Variants in RBM45 observed in about 807,000 individuals in gnomAD.
RBM45 encodes the protein RNA binding motif protein 45, also known as RNA-binding protein 45.
RBM45 carries 39 observed loss-of-function variants against 58.5 expected under a neutral mutation model. The observed-to-expected ratio is 0.67, with a 90% CI of 0.52 to 0.87. The LOEUF is 0.87. Ranked by LOEUF, RBM45 falls within the 40% of genes least tolerant of loss-of-function variation. The probability of loss-of-function intolerance (pLI) is 0.00; values close to 1 mark genes in which losing one functional copy is unlikely to be tolerated. For synonymous variants in RBM45, 193 were observed against 203.0 expected (o/e 0.95, Z 0.42); for missense variants, 481 against 581.6 (o/e 0.83, Z 1.78).
downstream of RBM45, among the ~76,000 whole-genome samples, chr2:178,132,913 G>A (rs1190225305): frequency 1.3e-5 from 2 of 152,136 alleles, no homozygotes; most frequent in Non-Finnish European, 2.9e-5. Context: ...TAACTTTGGT[G>A]TCCACAAGAA....
chr2:178,119,224 C>T (rs1342821473), intron 3 of RBM45, among the ~76,000 whole-genome samples: 1 of 151,868 alleles, frequency 6.6e-6, no homozygotes, highest in African/African-American at 2.4e-5. Context: ...TAAGAATTTG[C>T]CAAATGAAAA....
chr2:178,112,960 T>A, intron 1 of RBM45, 114 bp downstream of exon 1: 1 of 1,135,524 alleles, frequency 8.8e-7, no homozygotes, highest in Non-Finnish European at 1.2e-6. Context: ...TCCCGGCAGC[T>A]GACCAGACAG....
At chr2:178,131,532 T>C (rs1184196938), downstream of RBM45, among the ~76,000 whole-genome samples, 1 of 152,240 alleles carries the variant, frequency 6.6e-6, no homozygotes, top group Non-Finnish European at 1.5e-5. Context: ...TCAGATTAAA[T>C]GATCCCGGTT....
downstream of RBM45, among the ~76,000 whole-genome samples, chr2:178,132,799 G>A (rs552276358): frequency 2.2e-4 from 33 of 152,232 alleles, no homozygotes; most frequent in African/African-American, 7.0e-4. Context: ...TGTTGGTCAG[G>A]CTGGTCTCAA....
At chr2:178,130,920 A>G (rs997394510), downstream of RBM45, among the ~76,000 whole-genome samples, 8 of 152,190 alleles carry the variant, frequency 5.3e-5, no homozygotes, top group Admixed American at 3.9e-4. Context: ...TGGGCCAGGT[A>G]TCTTTCTGTG....
downstream of RBM45, among the ~76,000 whole-genome samples, chr2:178,131,109 T>C (rs1301838784): frequency 6.6e-6 from 1 of 152,224 alleles, no homozygotes; most frequent in Non-Finnish European, 1.5e-5. Context: ...TTTAATTTTT[T>C]AAAAGAACAA....
exon 4 of RBM45, chr2:178,138,519 T>C (rs1456289916): frequency 6.6e-6 from 1 of 152,132 alleles, no homozygotes; most frequent in Non-Finnish European, 1.5e-5. Context: ...AATGGAGCAA[T>C]GTCTGTAGTT....
chr2:178,115,870 A>G (rs1574407706), intron 1 of RBM45, among the ~76,000 whole-genome samples: 2 of 152,310 alleles, frequency 1.3e-5, no homozygotes, highest in Admixed American at 6.5e-5. Flanking sequence ...AAGTCATTGC[A>G]GGCCCAGCAC....
downstream of RBM45, among the ~76,000 whole-genome samples, chr2:178,130,440 G>A (rs575504867): frequency 5.3e-5 from 8 of 152,254 alleles, no homozygotes; most frequent in South Asian, 1.2e-3. Flanking sequence ...CGGAAGGATT[G>A]CTTGAGCCTA....
At chr2:178,113,680 T>C (rs1217573740) in intron 1 of RBM45, among the ~76,000 whole-genome samples, 1 of 152,184 alleles carries the variant, frequency 6.6e-6, no homozygotes, top group African/African-American at 2.4e-5. Flanking sequence ...ATGTCCTTGT[T>C]ATTGATCAGT....
chr2:178,116,239 T>G (rs751485041), intron 1 of RBM45, 23 bp from the exon 2 acceptor site: 1 of 1,548,302 alleles, frequency 6.5e-7, no homozygotes, highest in East Asian at 2.3e-5. Flanking sequence ...TATTTTATTT[T>G]GGGAGTTTTG....
At position 178,126,107 on chromosome 2, in the gene RBM45, G is replaced by C; in HGVS notation, c.1356G>C (p.Gly452=). The C allele has an allele frequency of 6.2e-7, 1 of 1,613,956 alleles. No homozygotes were observed. Among genetic ancestry groups the C allele is most frequent in the Non-Finnish European group, 8.5e-7 (1 of 1,179,884 alleles). The change falls in exon 9 of 10, where the codon GGG becomes GGC. Residue 452 remains glycine, a synonymous_variant. Coordinates refer to ENST00000286070, the MANE Select transcript of RBM45 (RefSeq NM_152945.4). ...CTCTACATGGAAAGATTCTGAATGG[G>C]GTGAGACTTAAAGTTATGCTGGCAG... ...IATLHGKILN[G]VRLKVMLADS...
intron 2 of RBM45, among the ~76,000 whole-genome samples, chr2:178,117,257 A>G (rs999927155): frequency 6.6e-6 from 1 of 152,210 alleles, no homozygotes; most frequent in Non-Finnish European, 1.5e-5. Context: ...TATTTTATAC[A>G]TCCTCCAGTA....
intron 9 of RBM45, among the ~76,000 whole-genome samples, chr2:178,128,706 T>C (rs545262515): frequency 2.0e-5 from 3 of 152,364 alleles, no homozygotes; most frequent in Non-Finnish European, 2.9e-5. Flanking sequence ...TGAAAATGGC[T>C]GTTTGGATAG....
exon 4 of RBM45, chr2:178,138,042 T>G (rs940469844): frequency 2.6e-5 from 4 of 152,096 alleles, no homozygotes; most frequent in Non-Finnish European, 5.9e-5. Flanking sequence ...GAAGCTAAAT[T>G]AATATTTGAG....
chr2:178,126,192 CT>C lies in RBM45; in HGVS notation c.*8+13del. On this transcript the variant is annotated intron_variant, in intron 9 of 9. Coordinates refer to ENST00000286070, the MANE Select transcript of RBM45 (RefSeq NM_152945.4). ...AACTTACTGATTCTTGAGGTAAGCC[CT>C]TTTTAATCTGAATTTTAAAACATAT... is the stretch of plus-strand genomic sequence containing the variant. The C allele has an allele frequency of 4.4e-6, 7 of 1,586,984 alleles. 1 individual carries two copies. The South Asian group carries it at 6.7e-5, about 15-fold the overall frequency.
At chr2:178,127,913 T>C (rs2087953838) in intron 9 of RBM45, among the ~76,000 whole-genome samples, 1 of 151,574 alleles carries the variant, frequency 6.6e-6, no homozygotes, top group Non-Finnish European at 1.5e-5. Context: ...GAACCTTTTC[T>C]AATGATTATT....
In RBM45 at chr2:178,112,694, G is replaced by T; in HGVS notation, c.148G>T (p.Asp50Tyr). Residue 50 changes from aspartate to tyrosine, a missense_variant, in exon 1 of 10, where the codon GAC (aspartate) becomes TAC (tyrosine). Coordinates refer to ENST00000286070, the MANE Select transcript of RBM45 (RefSeq NM_152945.4). ...VLRERFSPFG[D>Y]IQDIWVVRDK... ...GAGGGAGCGCTTCTCGCCTTTTGGC[G>T]ACATCCAGGACATCTGGGTGGTGCG... The T allele has an allele frequency of 2.5e-6, 4 of 1,614,212 alleles. No individual in the cohort carries two copies. Among genetic ancestry groups the T allele is most frequent in the Non-Finnish European group, 3.4e-6 (4 of 1,180,042 alleles).
At chr2:178,127,514 C>A (rs2087948888) in intron 9 of RBM45, among the ~76,000 whole-genome samples, 1 of 152,212 alleles carries the variant, frequency 6.6e-6, no homozygotes, top group Non-Finnish European at 1.5e-5. Flanking sequence ...TCCTTCATAG[C>A]TTCATAGAAG....
Sources: gnomAD v4.1 joint callset for allele counts (sites outside exome capture counted in the v4.1 genomes callset) on GRCh38, gnomAD v4.1.1 for gene constraint, MANE v1.5 for transcripts, NCBI Gene and HGNC (gene_info 2026-07-23, HGNC 2026-07-21) for gene names.